ANK3: variants seen among roughly 807,000 people sequenced by gnomAD.
ANK3 encodes the protein ankyrin 3.
In ANK3, 57 loss-of-function variants were observed where a neutral mutation model predicts 370.9. The observed-to-expected ratio is 0.15, with a 90% CI of 0.12 to 0.19. The LOEUF is 0.19. Among genes scored for constraint, ANK3 ranks in the 10% least tolerant of loss-of-function variants. ANK3 has a pLI of 1.00. For missense variants in ANK3, 4,439 were observed against 5,302.1 expected (o/e 0.84, Z 5.06); for synonymous variants, 1,929 against 1,946.3 (o/e 0.99, Z 0.23).
chr10:60,040,092 C>CTA (rs1343724032), intron 43 of ANK3, among the ~76,000 whole-genome samples: 2 of 152,142 alleles, frequency 1.3e-5, no homozygotes, highest in Non-Finnish European at 2.9e-5. Flanking sequence ...CTATAAATCA[C>CTA]TATATACTAT....
At chr10:60,231,438 GATTTATT>G (rs2097243523) in intron 8 of ANK3, among the ~76,000 whole-genome samples, 1 of 152,188 alleles carries the variant, frequency 6.6e-6, no homozygotes, top group Non-Finnish European at 1.5e-5. Flanking sequence ...TACCAGATCA[GATTTATT>G]GAATGCAAGC....
intron 1 of ANK3, among the ~76,000 whole-genome samples, chr10:60,356,646 C>T (rs982900081): frequency 6.6e-6 from 1 of 152,194 alleles, no homozygotes; most frequent in Non-Finnish European, 1.5e-5. Flanking sequence ...TCTCACCTCA[C>T]CTAATATCCA....
In ANK3 at chr10:60,302,001, T is replaced by G. The variant is rs559525933; in HGVS notation, c.115-22362A>C. Among the ~76,000 whole-genome samples the G allele has an allele frequency of 6.6e-5, 10 of 152,298 alleles. No homozygotes were observed. The South Asian group carries it at 2.1e-3, about 32-fold the overall frequency. ...AAGATCAGTGTGTAAGTCTATTCAC[T>G]CAACACATAATTTACACAGAGACTA... On this transcript the variant is annotated intron_variant, in intron 1 of 43. Coordinates refer to ENST00000280772, the MANE Select transcript of ANK3 (RefSeq NM_020987.5).
At chr10:60,094,119 C>T (rs2089472222) in intron 28 of ANK3, among the ~76,000 whole-genome samples, 1 of 151,806 alleles carries the variant, frequency 6.6e-6, no homozygotes, top group South Asian at 2.1e-4. Context: ...ATCACATGCA[C>T]TGCCTTCTTC....
chr10:60,627,519 G>C (rs1021620446), intron 1 of ANK3, among the ~76,000 whole-genome samples: 1 of 152,138 alleles, frequency 6.6e-6, no homozygotes, highest in African/African-American at 2.4e-5. Context: ...GGGTAGGCTT[G>C]ATAGGAAATG....
At chr10:60,697,565 A>G (rs1268329712) in intron 1 of ANK3, among the ~76,000 whole-genome samples, 2 of 142,880 alleles carry the variant, frequency 1.4e-5, no homozygotes, top group African/African-American at 2.6e-5. Flanking sequence ...GATATAGATC[A>G]ATGGAACAGA....
intron 42 of ANK3, among the ~76,000 whole-genome samples, chr10:60,052,861 G>C (rs886596433): frequency 1.3e-5 from 2 of 151,866 alleles, no homozygotes; most frequent in Non-Finnish European, 2.9e-5. Flanking sequence ...AACTGCTATA[G>C]GAGGTACAGG....
At chr10:60,085,736 C>T (rs2086530195) in intron 30 of ANK3, among the ~76,000 whole-genome samples, 1 of 151,816 alleles carries the variant, frequency 6.6e-6, no homozygotes. Flanking sequence ...CTGCCTCAGC[C>T]TCCCCAGTAG....
intron 12 of ANK3, among the ~76,000 whole-genome samples, chr10:60,201,109 T>C (rs2096666616): frequency 6.6e-6 from 1 of 152,240 alleles, no homozygotes; most frequent in Admixed American, 6.5e-5. Context: ...CCTACTTCCA[T>C]GGAAGGACAC....
At chr10:60,192,050 T>C (rs1216305809) in intron 16 of ANK3, among the ~76,000 whole-genome samples, 2 of 151,938 alleles carry the variant, frequency 1.3e-5, no homozygotes, top group Non-Finnish European at 2.9e-5. Context: ...CTGGCCACCA[T>C]GCCCAGCTAA....
At chr10:60,667,619 G>C (rs989134467) in intron 1 of ANK3, among the ~76,000 whole-genome samples, 2 of 151,410 alleles carry the variant, frequency 1.3e-5, no homozygotes, top group African/African-American at 4.9e-5. Flanking sequence ...TTACAACCTT[G>C]TCATTTTTTT....
At chr10:60,264,458 C>T (rs2097850490) in intron 5 of ANK3, among the ~76,000 whole-genome samples, 1 of 151,902 alleles carries the variant, frequency 6.6e-6, no homozygotes, top group South Asian at 2.1e-4. Flanking sequence ...CCAGCATGAT[C>T]AACATTGTGA....
intron 7 of ANK3, among the ~76,000 whole-genome samples, chr10:60,261,469 C>T (rs1304340624): frequency 6.6e-6 from 1 of 152,182 alleles, no homozygotes; most frequent in Non-Finnish European, 1.5e-5. Flanking sequence ...CCAGGTATTC[C>T]AGAACATTCC....
intron 24 of ANK3, among the ~76,000 whole-genome samples, chr10:60,135,382 C>T (rs139975878): frequency 6.6e-6 from 1 of 152,338 alleles, no homozygotes; most frequent in African/African-American, 2.4e-5. Context: ...ATGTATGAGG[C>T]TTCCTATTCT....
intron 7 of ANK3, among the ~76,000 whole-genome samples, chr10:60,250,407 C>T (rs906444805): frequency 4.6e-5 from 7 of 152,158 alleles, no homozygotes; most frequent in Admixed American, 2.6e-4. Context: ...CTCTGTCGCC[C>T]AGGCTGGAGT....
chr10:60,182,581 C>G (rs1236194745), intron 17 of ANK3, among the ~76,000 whole-genome samples: 2 of 152,156 alleles, frequency 1.3e-5, no homozygotes, highest in African/African-American at 4.8e-5. Flanking sequence ...CTTTTCTCCC[C>G]CTCTAGCATC....
chr10:60,198,427 G>C lies in ANK3; in HGVS notation c.1602C>G (p.Thr534=). The change falls in exon 14 of 44, where the codon ACC becomes ACG. Residue 534 remains threonine (T), a synonymous_variant. Transcript: ENST00000280772. ...SPNAATTSGY[T]PLHLSAREGH... ...CCTCTCGGGCGGAAAGGTGAAGTGG[G>C]GTGTACCCAGAAGTTGTGGCTGCAT... The C allele has an allele frequency of 3.1e-6, 5 of 1,614,222 alleles. No individual in the cohort carries two copies. The highest frequency in any genetic ancestry group is 4.2e-6 in the Non-Finnish European group (5 of 1,180,038).
intron 1 of ANK3, among the ~76,000 whole-genome samples, chr10:60,656,204 A>C (rs1029548615): frequency 6.6e-6 from 1 of 152,160 alleles, no homozygotes; most frequent in African/African-American, 2.4e-5. Flanking sequence ...GTCTAGTAAA[A>C]TTTGCTATTT....
intron 7 of ANK3, among the ~76,000 whole-genome samples, chr10:60,258,216 T>C (rs1047277321): frequency 2.0e-5 from 3 of 152,224 alleles, no homozygotes; most frequent in African/African-American, 7.2e-5. Flanking sequence ...ACAGTGTCAG[T>C]GCCATCTCAG....
Sources: gnomAD v4.1 joint callset for allele counts (sites outside exome capture counted in the v4.1 genomes callset) on GRCh38, gnomAD v4.1.1 for gene constraint, MANE v1.5 for transcripts, NCBI Gene and HGNC (gene_info 2026-07-23, HGNC 2026-07-21) for gene names.